Variants in BSN observed in about 807,000 individuals in gnomAD.
BSN encodes bassoon presynaptic cytomatrix protein.
Under a neutral mutation model 264.8 loss-of-function variants are expected in BSN, and 57 were observed. The ratio of observed to expected loss-of-function variants is 0.22; its 90% CI spans 0.17 to 0.27. BSN has a LOEUF of 0.27. Among genes scored for constraint, BSN ranks in the 10% least tolerant of loss-of-function variants. The probability of loss-of-function intolerance (pLI) is 1.00; values close to 1 mark genes in which losing one functional copy is unlikely to be tolerated. For missense variants in BSN, 4,615 were observed against 5,232.5 expected, an observed-to-expected ratio of 0.88 and a Z score of 3.64; for synonymous variants, 2,059 against 2,137.3, an observed-to-expected ratio of 0.96 and a Z score of 1.01.
At chr3:49,659,354 C>T (rs780047538) in intron 5 of BSN, among the ~76,000 whole-genome samples, 13 of 151,952 alleles carry the variant, frequency 8.6e-5, no homozygotes, top group South Asian at 6.2e-4. Flanking sequence ...ACTCATGATG[C>T]GTGGCCAAAA....
intron 2 of BSN, among the ~76,000 whole-genome samples, chr3:49,627,500 T>C (rs903828180): frequency 2.0e-5 from 3 of 152,250 alleles, no homozygotes; most frequent in Non-Finnish European, 4.4e-5. Context: ...GTCACTTTGC[T>C]AAGAGCAGGT....
chr3:49,642,582 G>T lies in BSN; in HGVS notation c.948G>T (p.Glu316Asp). ...PPQPTKPSTA[E>D]PRPPAGEAPA... ...AACCCACCAAGCCTTCCACAGCTGA[G>T]CCCAGGCCACCTGCAGGAGAGGCCC... The change falls in exon 3 of 12, where the codon GAG becomes GAT. Residue 316 changes from glutamate to aspartate, a missense_variant. Glu to Asp is a conservative substitution (Grantham distance 45, BLOSUM62 2). This residue lies in a region of BSN where 1,197 missense variants were observed against 1,348.0 expected (regional missense o/e 0.89). Coordinates refer to ENST00000296452, the MANE Select transcript of BSN (RefSeq NM_003458.4). The surrounding 1 kb of genome is among the most constrained non-coding windows in gnomAD (Gnocchi z 7.0). 1 of 1,605,978 alleles carries T rather than the reference G, an allele frequency of 6.2e-7. No individual in the cohort carries two copies. The highest frequency in any genetic ancestry group is 8.5e-7 in the Non-Finnish European group (1 of 1,175,216).
At chr3:49,561,057 C>T (rs1559591894) in intron 1 of BSN, among the ~76,000 whole-genome samples, 1 of 152,198 alleles carries the variant, frequency 6.6e-6, no homozygotes, top group Admixed American at 6.5e-5. Context: ...GAGCTTTGCT[C>T]TAGCAGAGAC....
chr3:49,651,842 C>A lies in BSN; in HGVS notation c.2286C>A (p.His762Gln), dbSNP rs1292976801. ...GCGAGGAGCAGAAGCAGCGGCCCCA[C>A]TCCTTGTCCATCACGCCTGAGGCCT... ...GTGEEQKQRP[H>Q]SLSITPEAFD... The change falls in exon 5 of 12, where the codon CAC becomes CAA. Residue 762 changes from histidine (H) to glutamine (Q), a missense_variant. His to Gln is a conservative substitution (Grantham distance 24). Transcript: ENST00000296452. This position sits in a 1 kb window ranked among gnomAD's most constrained non-coding sequence, Gnocchi z 5.4. 1.2e-6 allele frequency: 2 copies of A among 1,613,832 alleles called. No individual in the cohort carries two copies. Among genetic ancestry groups the A allele is most frequent in the African/African-American group, 1.3e-5 (1 of 74,948 alleles).
chr3:49,663,546 G>A lies in BSN; in HGVS notation c.11388G>A (p.Gln3796=). ...GLQPPQQALT[Q]ARLQQQSQPT... is the part of the protein sequence containing the mutation. ...AGCCCCCACAGCAGGCTCTGACACA[G>A]GCTCGGCTGCAGCAACAGAGCCAGC... Residue 3796 remains glutamine, a synonymous_variant, in exon 7 of 12, where the codon CAG becomes CAA. Transcript: ENST00000296452. The A allele has an allele frequency of 6.2e-7, 1 of 1,610,062 alleles. No homozygotes were observed. The highest frequency in any genetic ancestry group is 8.5e-7 in the Non-Finnish European group (1 of 1,179,352).
chr3:49,617,178 T>A (rs2052265185), intron 1 of BSN, among the ~76,000 whole-genome samples: 1 of 151,896 alleles, frequency 6.6e-6, no homozygotes, highest in Non-Finnish European at 1.5e-5. Context: ...GATGACGGGT[T>A]AATAGGTGTA....
intron 1 of BSN, among the ~76,000 whole-genome samples, chr3:49,593,604 C>G (rs1368450865): frequency 6.6e-6 from 1 of 152,020 alleles, no homozygotes; most frequent in Non-Finnish European, 1.5e-5. Context: ...TGTAGTGAAT[C>G]CTGTTGTGGT....
chr3:49,656,255 C>T lies in BSN; in HGVS notation c.6699C>T (p.Ile2233=). The stretch of plus-strand genomic sequence containing the variant: ...ACAGGCCTTACGCATCTGGTGGAAT[C>T]ACAGCCGTGCCACTCACCAGTCTGA... ...GMYRPYASGG[I]TAVPLTSLTR... is the part of the protein sequence containing the mutation. Residue 2233 remains isoleucine, a synonymous_variant, in exon 5 of 12, where the codon ATC becomes ATT. Coordinates refer to ENST00000296452, the MANE Select transcript of BSN (RefSeq NM_003458.4). 1 of 1,612,184 alleles carries T rather than the reference C, an allele frequency of 6.2e-7. No homozygotes were observed. Among genetic ancestry groups the T allele is most frequent in the East Asian group, 2.2e-5 (1 of 44,888 alleles).
rs139466364 is a variant in BSN at position 49,652,874 on chromosome 3, G to C, written c.3318G>C (p.Thr1106=). ...CACCCATCGAGGATGCCTCCCCGAC[G>C]GAGGAGCTGAGGCAGGCGGCCGAGA... ...NLSPIEDASP[T]EELRQAAEME... The change falls in exon 5 of 12, where the codon ACG becomes ACC. Residue 1106 remains threonine (T), a synonymous_variant. Coordinates refer to ENST00000296452, the MANE Select transcript of BSN (RefSeq NM_003458.4). The C allele has an allele frequency of 3.1e-6, 5 of 1,608,844 alleles. No individual in the cohort carries two copies. In the African/African-American group the frequency reaches 6.7e-5, roughly 22 times the overall value.
chr3:49,614,306 G>T (rs921787189), intron 1 of BSN, among the ~76,000 whole-genome samples: 1 of 152,054 alleles, frequency 6.6e-6, no homozygotes, highest in South Asian at 2.1e-4. Context: ...TGATCCACCC[G>T]CCTTGGCCTA....
At position 49,654,820 on chromosome 3, in the gene BSN, A is replaced by C. The variant is rs1041518735; in HGVS notation, c.5264A>C (p.Tyr1755Ser). ...QKQPVVYGDPYQSRLDFGQGG... is the reference protein window; with the variant it reads ...QKQPVVYGDPSQSRLDFGQGG... Reference sequence around the variant, plus strand: ...CAGCCTGTGGTCTATGGAGACCCCTACCAGAGCCGCCTTGACTTTGGCCAG... The same window carrying C: ...CAGCCTGTGGTCTATGGAGACCCCTCCCAGAGCCGCCTTGACTTTGGCCAG... Residue 1755 changes from tyrosine (Y) to serine (S), a missense_variant, in exon 5 of 12, where the codon TAC (tyrosine) becomes TCC (serine). This residue lies in a region of BSN where 3,415 missense variants were observed against 3,866.4 expected (regional missense o/e 0.88). Coordinates refer to ENST00000296452, the MANE Select transcript of BSN (RefSeq NM_003458.4). The surrounding 1 kb of genome is among the most constrained non-coding windows in gnomAD (Gnocchi z 4.1). 9 of 1,613,274 alleles carry C rather than the reference A, an allele frequency of 5.6e-6. No individual in the cohort carries two copies. Among genetic ancestry groups the C allele is most frequent in the Non-Finnish European group, 7.6e-6 (9 of 1,179,952 alleles).
Position 49,656,483 on chromosome 3 carries a change from G to A in BSN, c.6927G>A (p.Glu2309=), listed in dbSNP as rs2052602533. ...PEMPVGAARE[E]PLPTTTPAAI... is the part of the protein sequence containing the mutation. ...TGCCAGTAGGGGCTGCACGGGAAGA[G>A]CCTCTTCCCACAACCACCCCTGCTG... The change falls in exon 5 of 12, where the codon GAG becomes GAA. Residue 2309 remains glutamate, a synonymous_variant. Coordinates refer to ENST00000296452, the MANE Select transcript of BSN (RefSeq NM_003458.4). 6.3e-7 allele frequency: 1 copy of A among 1,596,478 alleles called. No individual in the cohort carries two copies. The highest frequency in any genetic ancestry group is 1.3e-5 in the African/African-American group (1 of 74,530).
intron 1 of BSN, among the ~76,000 whole-genome samples, chr3:49,580,857 T>C (rs545214197): frequency 1.3e-5 from 2 of 152,192 alleles, no homozygotes; most frequent in Non-Finnish European, 2.9e-5. Flanking sequence ...TTAATTACTG[T>C]ATATTCATGA....
Position 49,585,092 on chromosome 3 carries a change from G to A in BSN, c.224+30266G>A, listed in dbSNP as rs547806901. Among the ~76,000 whole-genome samples, 5 of 152,198 alleles carry A rather than the reference G, an allele frequency of 3.3e-5. No homozygotes were observed. The highest frequency in any genetic ancestry group is 2.1e-4 in the South Asian group (1 of 4,826). Reference sequence around the variant, plus strand: ...TCTTAGCTATTATAAACAGTGCTGCGACAAACTCAGGAGTGCAGATATCTC... The same window carrying A: ...TCTTAGCTATTATAAACAGTGCTGCAACAAACTCAGGAGTGCAGATATCTC... On this transcript the variant is annotated intron_variant, in intron 1 of 11. Coordinates refer to ENST00000296452, the MANE Select transcript of BSN (RefSeq NM_003458.4). The surrounding 1 kb of genome is among the most constrained non-coding windows in gnomAD (Gnocchi z 4.7).
At chr3:49,581,309 G>C (rs151168074) in intron 1 of BSN, among the ~76,000 whole-genome samples, 102 of 152,196 alleles carry the variant, frequency 6.7e-4, no homozygotes, top group African/African-American at 2.0e-3. Flanking sequence ...TGGGCACTTG[G>C]GTTGTTTCTA....
intron 1 of BSN, among the ~76,000 whole-genome samples, chr3:49,615,861 A>G (rs2052256033): frequency 6.6e-6 from 1 of 152,178 alleles, no homozygotes; most frequent in African/African-American, 2.4e-5. Flanking sequence ...ACCAACAGAG[A>G]CTATTTTAAG....
rs557463298 is a variant in BSN at position 49,573,126 on chromosome 3, A to ACATACAAAT, written c.224+18303_224+18311dup. On this transcript the variant is annotated intron_variant, in intron 1 of 11. Transcript: ENST00000296452. ...CTAATGGGAGAGACTAACTTTAATC[A>ACATACAAAT]CATACAAATCAAAATTCTATTGAAG... Among the ~76,000 whole-genome samples, 9 of 152,318 alleles carry ACATACAAAT rather than the reference A, an allele frequency of 5.9e-5. No individual in the cohort carries two copies. In the South Asian group the frequency reaches 1.7e-3, roughly 28 times the overall value.
intron 1 of BSN, among the ~76,000 whole-genome samples, chr3:49,584,137 G>A (rs1279978109): frequency 3.3e-5 from 5 of 151,922 alleles, no homozygotes; most frequent in African/African-American, 7.3e-5. Context: ...CACCCACCTC[G>A]GCTTCCCAAA....
downstream of BSN, among the ~76,000 whole-genome samples, chr3:49,672,479 CTTTTTT>C (rs371314787): frequency 7.0e-6 from 1 of 143,052 alleles, no homozygotes; most frequent in Non-Finnish European, 1.5e-5. Flanking sequence ...AGTTGGGACT[CTTTTTT>C]TTTTTTTTTC....
Sources: allele counts gnomAD v4.1 joint callset (sites outside exome capture counted in the v4.1 genomes callset), GRCh38; gene constraint gnomAD v4.1.1; regional missense constraint gnomAD v4.1.1; non-coding constraint Gnocchi (gnomAD v3.1); transcripts MANE v1.5; gene names NCBI Gene and HGNC (gene_info 2026-07-23, HGNC 2026-07-21).